Variants in SYN3 observed in about 807,000 individuals in gnomAD.
The protein encoded by SYN3 is synapsin-3.
Under a neutral mutation model 65.8 loss-of-function variants are expected in SYN3, and 35 were observed. The ratio of observed to expected loss-of-function variants is 0.53; its 90% confidence interval spans 0.41 to 0.70. The LOEUF is 0.70. Ranked by LOEUF, SYN3 falls within the 30% of genes least tolerant of loss-of-function variation. The probability of loss-of-function intolerance (pLI) is 0.00; values close to 1 mark genes in which losing one functional copy is unlikely to be tolerated. For synonymous variants in SYN3, 270 were observed against 292.9 expected (o/e 0.92, Z 0.80); for missense variants, 680 against 749.0 (o/e 0.91, Z 1.08).
intron 6 of SYN3, among the ~76,000 whole-genome samples, chr22:32,631,211 C>T (rs1050067163): frequency 6.6e-6 from 1 of 151,750 alleles, no homozygotes; most frequent in Non-Finnish European, 1.5e-5. Context: ...AGAAGAATTG[C>T]TTGAACCTGG....
chr22:33,033,632 G>T (rs554592047), intron 1 of SYN3, among the ~76,000 whole-genome samples: 2 of 152,264 alleles, frequency 1.3e-5, no homozygotes, highest in African/African-American at 4.8e-5. Context: ...CTCACAAGGG[G>T]CCAATGTCTT....
chr22:32,556,817 T>TG (rs2058507641), intron 7 of SYN3, among the ~76,000 whole-genome samples: 1 of 133,072 alleles, frequency 7.5e-6, no homozygotes, highest in African/African-American at 2.9e-5. Context: ...TTTTTTTTTT[T>TG]TTTTTTTTTT....
intron 6 of SYN3, among the ~76,000 whole-genome samples, chr22:32,642,244 A>G (rs952027744): frequency 5.3e-5 from 8 of 151,140 alleles, no homozygotes; most frequent in Non-Finnish European, 1.0e-4. Context: ...AGCCGAGATC[A>G]TGCCACTGCA....
rs576927635 is a variant in SYN3 at position 32,927,880 on chromosome 22, G to A, written c.461+3510C>T. Among the ~76,000 whole-genome samples, 6 of 152,220 alleles carry A rather than the reference G, an allele frequency of 3.9e-5. No homozygotes were observed. In the East Asian group the frequency reaches 1.2e-3, roughly 29 times the overall value. On this transcript the variant is annotated intron_variant, in intron 4 of 13. Coordinates refer to ENST00000358763, the MANE Select transcript of SYN3 (RefSeq NM_003490.4). The stretch of plus-strand genomic sequence containing the variant: ...TCTCTGAGGATAGAATTATAGGTTG[G>A]CAATTAATTTCTCTCAGCACACTGA...
intron 6 of SYN3, among the ~76,000 whole-genome samples, chr22:32,827,280 C>T (rs1018426788): frequency 2.0e-5 from 3 of 152,142 alleles, no homozygotes; most frequent in Non-Finnish European, 4.4e-5. Flanking sequence ...CAGAGCCAGG[C>T]GTGGCCTATA....
At chr22:32,610,848 C>T (rs905041839) in intron 6 of SYN3, among the ~76,000 whole-genome samples, 1 of 152,206 alleles carries the variant, frequency 6.6e-6, no homozygotes, top group Non-Finnish European at 1.5e-5. Context: ...TCCCAAAGTG[C>T]TGGGATTATA....
intron 6 of SYN3, among the ~76,000 whole-genome samples, chr22:32,609,645 T>TAA (rs5845010): frequency 3.4e-4 from 47 of 140,156 alleles, no homozygotes; most frequent in African/African-American, 8.1e-4. Context: ...CCCAGCTAAT[T>TAA]AAAAAAAAAT....
chr22:32,994,239 G>C (rs1474042606), intron 2 of SYN3, among the ~76,000 whole-genome samples: 1 of 152,112 alleles, frequency 6.6e-6, no homozygotes, highest in Non-Finnish European at 1.5e-5. Flanking sequence ...GTCTCCAGGC[G>C]ACGGGGTAGG....
At chr22:32,984,767 G>A (rs551056302) in intron 2 of SYN3, among the ~76,000 whole-genome samples, 2 of 152,264 alleles carry the variant, frequency 1.3e-5, no homozygotes, top group Admixed American at 6.5e-5. Flanking sequence ...TTTAAAAGAA[G>A]TACTGGGTGG....
chr22:32,609,329 GAATA>G (rs557888996), intron 6 of SYN3, among the ~76,000 whole-genome samples: 2 of 151,126 alleles, frequency 1.3e-5, no homozygotes, highest in African/African-American at 2.4e-5. Flanking sequence ...CTCAATAAAT[GAATA>G]AATAAATAAA....
chr22:32,850,399 T>G (rs988436209), intron 6 of SYN3, among the ~76,000 whole-genome samples: 1 of 152,078 alleles, frequency 6.6e-6, no homozygotes, highest in Non-Finnish European at 1.5e-5. Flanking sequence ...CGGGCCATGT[T>G]ACTTGTAAGG....
chr22:33,040,255 T>G (rs998233191), intron 1 of SYN3, among the ~76,000 whole-genome samples: 1 of 152,050 alleles, frequency 6.6e-6, no homozygotes, highest in African/African-American at 2.4e-5. Flanking sequence ...TCAGCCTGAT[T>G]ATACACTTTT....
At position 32,943,283 on chromosome 22, in the gene SYN3, G is replaced by A. The variant is rs760319626; in HGVS notation, c.370-11802C>T. On this transcript the variant is annotated intron_variant, in intron 3 of 13. Coordinates refer to ENST00000358763, the MANE Select transcript of SYN3 (RefSeq NM_003490.4). ...CTCTACAAGCCAGAAGAGAGTGAGG[G>A]CCAATATTCAACATTCTTAAAGAAA... 4.0e-4 allele frequency among the ~76,000 whole-genome samples: 61 copies of A among 152,170 alleles called. 1 individual carries two copies. Among genetic ancestry groups the A allele is most frequent in the Non-Finnish European group, 2.4e-4 (16 of 68,034 alleles).
intron 6 of SYN3, among the ~76,000 whole-genome samples, chr22:32,695,793 C>T (rs2060728536): frequency 6.6e-6 from 1 of 152,196 alleles, no homozygotes; most frequent in Non-Finnish European, 1.5e-5. Flanking sequence ...AAATGAGTCA[C>T]TACAGGGAAC....
chr22:32,516,346 G>GATTGATTTATTTATTTATTT (rs779603620), intron 13 of SYN3, among the ~76,000 whole-genome samples: 72 of 149,958 alleles, frequency 4.8e-4, no homozygotes, highest in African/African-American at 1.7e-3. Flanking sequence ...ATACATCTTT[G>GATTGATTTATTTATTTATTT]ATTTATTTAT....
At chr22:32,939,899 T>C (rs1220645968) in intron 3 of SYN3, among the ~76,000 whole-genome samples, 1 of 152,210 alleles carries the variant, frequency 6.6e-6, no homozygotes, top group African/African-American at 2.4e-5. Flanking sequence ...GGTCAGAGGA[T>C]AGGCATACAG....
intron 3 of SYN3, among the ~76,000 whole-genome samples, chr22:32,949,943 G>C (rs1234534619): frequency 6.6e-6 from 1 of 152,202 alleles, no homozygotes; most frequent in Non-Finnish European, 1.5e-5. Context: ...ACTGAGGGAG[G>C]ATTGTGACAC....
intron 6 of SYN3, among the ~76,000 whole-genome samples, chr22:32,728,675 A>G (rs533745726): frequency 6.6e-6 from 1 of 152,206 alleles, no homozygotes; most frequent in Non-Finnish European, 1.5e-5. Flanking sequence ...GGGTGTGTTA[A>G]CAGGATGTGT....
At chr22:32,762,898 C>G (rs1041653712) in intron 6 of SYN3, among the ~76,000 whole-genome samples, 1 of 151,984 alleles carries the variant, frequency 6.6e-6, no homozygotes, top group African/African-American at 2.4e-5. Context: ...AGCCAGAAAG[C>G]ATGAGTCAAA....
Sources: allele counts gnomAD v4.1 joint callset (sites outside exome capture counted in the v4.1 genomes callset), GRCh38; gene constraint gnomAD v4.1.1; transcripts MANE v1.5; gene names NCBI Gene and HGNC (gene_info 2026-07-23, HGNC 2026-07-21).